Variants in JAZF1 observed in about 807,000 individuals in gnomAD.
JAZF1 encodes JAZF zinc finger 1.
Under a neutral mutation model 26.4 loss-of-function variants are expected in JAZF1, and 8 were observed. The observed-to-expected ratio is 0.30, with a 90% confidence interval of 0.18 to 0.55. The LOEUF is 0.55. Ranked by LOEUF, JAZF1 falls within the 20% of genes least tolerant of loss-of-function variation. The probability of loss-of-function intolerance (pLI) is 0.94; values close to 1 mark genes in which losing one functional copy is unlikely to be tolerated. For missense variants in JAZF1, 199 were observed against 322.0 expected (o/e 0.62, Z 2.92); for synonymous variants, 126 against 122.3 (o/e 1.03, Z -0.20).
intron 1 of JAZF1, among the ~76,000 whole-genome samples, chr7:28,168,153 C>T (rs1209999047): frequency 4.6e-5 from 7 of 151,972 alleles, no homozygotes; most frequent in Non-Finnish European, 7.4e-5. Context: ...GAGGCCGAGG[C>T]GGGTGGATCA....
intron 3 of JAZF1, among the ~76,000 whole-genome samples, chr7:27,850,973 A>C (rs1049385120): frequency 2.0e-5 from 3 of 151,968 alleles, no homozygotes; most frequent in Non-Finnish European, 4.4e-5. Flanking sequence ...ATGGAGTTTC[A>C]CTCTTGTTGC....
intron 2 of JAZF1, among the ~76,000 whole-genome samples, chr7:27,945,224 G>A (rs777854170): frequency 7.9e-5 from 12 of 152,124 alleles, no homozygotes; most frequent in Non-Finnish European, 1.5e-4. Context: ...TCCAGAAGCC[G>A]TGATTTCAAG....
intron 3 of JAZF1, among the ~76,000 whole-genome samples, chr7:27,870,037 T>C (rs550007153): frequency 6.6e-6 from 1 of 151,482 alleles, no homozygotes; most frequent in East Asian, 1.9e-4. Context: ...GCCTCCTGAG[T>C]GGCTGGTATT....
chr7:27,889,790 G>A (rs981383883), intron 3 of JAZF1, among the ~76,000 whole-genome samples: 5 of 152,088 alleles, frequency 3.3e-5, no homozygotes, highest in Admixed American at 6.6e-5. Flanking sequence ...AAATTAGCTG[G>A]GTGGTGTTGA....
intron 2 of JAZF1, among the ~76,000 whole-genome samples, chr7:27,988,410 C>G (rs527352530): frequency 1.1e-4 from 16 of 151,218 alleles, no homozygotes; most frequent in Non-Finnish European, 1.3e-4. Context: ...TGTCTCCCCC[C>G]ATTACCCAGG....
chr7:27,992,053 T>A (rs941092607), intron 1 of JAZF1, 72 bp from the exon 2 acceptor site: 3 of 869,902 alleles, frequency 3.4e-6, no homozygotes, highest in Admixed American at 1.7e-5. Flanking sequence ...TAACACAAAG[T>A]AACAGAGGCT....
intron 1 of JAZF1, among the ~76,000 whole-genome samples, chr7:28,166,789 G>A (rs989214520): frequency 4.6e-5 from 7 of 152,172 alleles, no homozygotes; most frequent in Admixed American, 3.3e-4. Flanking sequence ...TGTGTGGAAT[G>A]TTTTAACAGC....
chr7:28,039,288 C>A (rs1162830703), intron 1 of JAZF1, among the ~76,000 whole-genome samples: 1 of 152,100 alleles, frequency 6.6e-6, no homozygotes. Flanking sequence ...CACACACACA[C>A]CCCTTATTAT....
rs10238402 is a variant in JAZF1, at chr7:27,970,280, C to T, written c.188+21629G>A. 2.5e-4 allele frequency among the ~76,000 whole-genome samples: 38 copies of T among 152,176 alleles called. 1 individual carries two copies. The East Asian group carries it at 6.8e-3, about 27-fold the overall frequency. On this transcript the variant is annotated intron_variant, in intron 2 of 4. Coordinates refer to ENST00000283928, the MANE Select transcript of JAZF1 (RefSeq NM_175061.4). ...AGGTTCTATGATATCCAAGAAAAAACAAAACTTTGGAATCACATAAATTTC... is the reference window on the plus strand; with the variant it reads ...AGGTTCTATGATATCCAAGAAAAAATAAAACTTTGGAATCACATAAATTTC...
At chr7:28,167,512 A>G (rs1010890973) in intron 1 of JAZF1, among the ~76,000 whole-genome samples, 3 of 152,344 alleles carry the variant, frequency 2.0e-5, no homozygotes, top group East Asian at 1.9e-4. Context: ...TATTCTCTCA[A>G]CTTTTCTCGT....
rs565502069 is a variant in JAZF1 at position 28,020,457 on chromosome 7, G to A, written c.116-28476C>T. ...AAACGAGGAGAGCCAGCGCCTCCAC[G>A]GTGCCTTCTCCTCCTGGAAGCAGGA... On this transcript the variant is annotated intron_variant, in intron 1 of 4. Transcript: ENST00000283928. The A allele has an allele frequency of 1.1e-4, 44 of 393,672 alleles. 1 individual carries two copies. The highest frequency in any genetic ancestry group is 7.9e-4 in the African/African-American group (38 of 48,340). The allele number at this position is 393,672 out of a possible 1,614,324, so 24.4% of individuals were successfully genotyped here.
chr7:28,074,657 G>A (rs1464322358), intron 1 of JAZF1, among the ~76,000 whole-genome samples: 1 of 152,034 alleles, frequency 6.6e-6, no homozygotes, highest in East Asian at 1.9e-4. Flanking sequence ...AGTTTATAAA[G>A]GAGTTTATAA....
intron 2 of JAZF1, among the ~76,000 whole-genome samples, chr7:27,900,876 T>C (rs997084339): frequency 6.6e-6 from 1 of 152,134 alleles, no homozygotes; most frequent in Non-Finnish European, 1.5e-5. Flanking sequence ...TGCAAATCAA[T>C]ATATACATTT....
chr7:28,178,197 G>A (rs538608821), intron 1 of JAZF1, among the ~76,000 whole-genome samples: 3 of 152,080 alleles, frequency 2.0e-5, no homozygotes, highest in South Asian at 2.1e-4. Flanking sequence ...TTTAGAAAAC[G>A]TATCAAACTC....
chr7:27,976,344 CAAAAAAAAA>C (rs55992845), intron 2 of JAZF1, among the ~76,000 whole-genome samples: 1 of 80,460 alleles, frequency 1.2e-5, no homozygotes, highest in African/African-American at 5.4e-5. Flanking sequence ...GACTCCGTCT[CAAAAAAAAA>C]AAAAAAAAAA....
rs758969704 is a variant in JAZF1 at position 27,846,407 on chromosome 7, G to GTA, written c.386-5542_386-5541dup. Reference sequence around the variant, plus strand: ...CGTATATATACATATACGTATACATGTATATATATACATATATACACACAG... The same window carrying GTA: ...CGTATATATACATATACGTATACATGTATATATATATACATATATACACACAG... On this transcript the variant is annotated intron_variant, in intron 3 of 4. Transcript: ENST00000283928. 1.0e-4 allele frequency: 46 copies of GTA among 457,280 alleles called. 1 individual carries two copies. The highest frequency in any genetic ancestry group is 6.6e-4 in the Middle Eastern group (2 of 3,008). The allele number at this position is 457,280 out of a possible 1,614,324, so 28.3% of individuals were successfully genotyped here.
chr7:28,161,376 T>G (rs1436695692), intron 1 of JAZF1, among the ~76,000 whole-genome samples: 1 of 151,868 alleles, frequency 6.6e-6, no homozygotes, highest in Non-Finnish European at 1.5e-5. Flanking sequence ...AAACCAGTGA[T>G]TAAGCCCAAA....
Position 27,894,150 on chromosome 7 carries a change from A to AGC in JAZF1, c.385+1068_385+1069dup, listed in dbSNP as rs534927841. 3.5e-4 allele frequency among the ~76,000 whole-genome samples: 53 copies of AGC among 152,278 alleles called. 2 individuals carry two copies. The Middle Eastern group carries it at 0.014, about 39-fold the overall frequency. On this transcript the variant is annotated intron_variant, in intron 3 of 4. Transcript: ENST00000283928. ...ATGCCAATATCCTCCAACAGGTGTA[A>AGC]GCTCCTGAGGTCAGGGCAGGGGGCC... is the stretch of plus-strand genomic sequence containing the variant.
chr7:27,909,254 G>A (rs977622963), intron 2 of JAZF1, among the ~76,000 whole-genome samples: 4 of 146,188 alleles, frequency 2.7e-5, no homozygotes, highest in African/African-American at 1.1e-4. Context: ...GAAGTTCCAT[G>A]CCTCCTCTTC....
Sources: allele counts gnomAD v4.1 joint callset (sites outside exome capture counted in the v4.1 genomes callset), GRCh38; gene constraint gnomAD v4.1.1; transcripts MANE v1.5; gene names NCBI Gene and HGNC (gene_info 2026-07-23, HGNC 2026-07-21).